The following FHIT variants were observed in gnomAD, a reference collection of about 807,000 sequenced individuals.
FHIT encodes fragile histidine triad diadenosine triphosphatase, also known as bis(5'-adenosyl)-triphosphatase.
FHIT carries 19 observed loss-of-function variants against 17.9 expected under a neutral mutation model. The ratio of observed to expected loss-of-function variants is 1.06; its 90% CI spans 0.74 to 1.56. The LOEUF (loss-of-function observed/expected upper bound fraction) is 1.56. Among genes scored for constraint, FHIT ranks in the 40% most tolerant of loss-of-function variants. The pLI, the probability that FHIT is intolerant of heterozygous loss-of-function variation, is 0.00. For synonymous variants in FHIT, 81 were observed against 69.7 expected, an observed-to-expected ratio of 1.16 and a Z score of -0.81; for missense variants, 248 against 189.2, an observed-to-expected ratio of 1.31 and a Z score of -1.82.
chr3:59,757,769 TAAAC>T (rs1300647731), intron 8 of FHIT, among the ~76,000 whole-genome samples: 1 of 152,218 alleles, frequency 6.6e-6, no homozygotes, highest in African/African-American at 2.4e-5. Context: ...AGAGCTTAAA[TAAAC>T]CATTTCTTAT....
intron 3 of FHIT, among the ~76,000 whole-genome samples, chr3:60,880,339 A>C (rs1235600878): frequency 2.0e-5 from 3 of 152,246 alleles, no homozygotes; most frequent in Non-Finnish European, 4.4e-5. Context: ...CAGGGAATTC[A>C]TCACCACTAG....
intron 5 of FHIT, among the ~76,000 whole-genome samples, chr3:60,051,898 C>T (rs895816114): frequency 1.3e-5 from 2 of 152,152 alleles, no homozygotes; most frequent in Non-Finnish European, 2.9e-5. Context: ...TACTGACCCA[C>T]TCTGTGAAAC....
At chr3:60,207,577 T>TC (rs1187677402) in intron 5 of FHIT, among the ~76,000 whole-genome samples, 1 of 151,700 alleles carries the variant, frequency 6.6e-6, no homozygotes, top group Admixed American at 6.6e-5. Flanking sequence ...CACCCCACAG[T>TC]CCCCCCGCCG....
At chr3:60,619,378 T>C (rs1160548579) in intron 4 of FHIT, among the ~76,000 whole-genome samples, 1 of 151,762 alleles carries the variant, frequency 6.6e-6, no homozygotes, top group Admixed American at 6.6e-5. Context: ...GATTCTAAAG[T>C]GTACATGGAA....
At chr3:60,572,298 C>T (rs1401501701) in intron 4 of FHIT, among the ~76,000 whole-genome samples, 2 of 150,950 alleles carry the variant, frequency 1.3e-5, no homozygotes, top group African/African-American at 4.9e-5. Flanking sequence ...ATAATTCCTT[C>T]TAAATATTTG....
intron 4 of FHIT, among the ~76,000 whole-genome samples, chr3:60,774,997 T>C (rs1700172666): frequency 6.6e-6 from 1 of 152,238 alleles, no homozygotes; most frequent in African/African-American, 2.4e-5. Flanking sequence ...GGGGAACTAC[T>C]GTATTACTAT....
At chr3:60,722,825 T>C (rs2041838343) in intron 4 of FHIT, among the ~76,000 whole-genome samples, 1 of 149,802 alleles carries the variant, frequency 6.7e-6, no homozygotes, top group Non-Finnish European at 1.5e-5. Flanking sequence ...AGGATTCAAA[T>C]GATTCTCCTG....
chr3:60,115,505 T>C (rs1041502356), intron 5 of FHIT, among the ~76,000 whole-genome samples: 1 of 152,192 alleles, frequency 6.6e-6, no homozygotes, highest in African/African-American at 2.4e-5. Context: ...TATTCAAGTC[T>C]TCAGAGGCCA....
chr3:60,263,002 A>T (rs73832563), intron 5 of FHIT, among the ~76,000 whole-genome samples: 2 of 152,032 alleles, frequency 1.3e-5, no homozygotes, highest in Non-Finnish European at 2.9e-5. Flanking sequence ...AGAATAAAAA[A>T]TAACTAATAT....
At chr3:60,817,509 T>A (rs536246173) in intron 4 of FHIT, among the ~76,000 whole-genome samples, 1 of 152,136 alleles carries the variant, frequency 6.6e-6, no homozygotes, top group East Asian at 1.9e-4. Flanking sequence ...AATTCTGGAT[T>A]AACAGTGTTT....
chr3:60,303,633 T>C (rs772518867), intron 5 of FHIT, among the ~76,000 whole-genome samples: 6 of 152,200 alleles, frequency 3.9e-5, no homozygotes, highest in Non-Finnish European at 7.3e-5. Context: ...TGATTTTCTA[T>C]GCTTCTCATC....
intron 7 of FHIT, among the ~76,000 whole-genome samples, chr3:59,924,695 A>G (rs80071299): frequency 0.034 from 5,109 of 152,320 alleles, 112 homozygotes; most frequent in Admixed American, 0.043. Flanking sequence ...AAATAAAATA[A>G]AGATATTAAG....
chr3:60,979,214 A>G (rs1318250813), intron 3 of FHIT, among the ~76,000 whole-genome samples: 1 of 152,100 alleles, frequency 6.6e-6, no homozygotes, highest in Non-Finnish European at 1.5e-5. Context: ...CTCTCCTCCA[A>G]TCTGAAATTG....
At chr3:60,415,162 T>C (rs987234991) in intron 5 of FHIT, among the ~76,000 whole-genome samples, 3 of 152,184 alleles carry the variant, frequency 2.0e-5, no homozygotes, top group African/African-American at 7.2e-5. Flanking sequence ...AAAACCCAGA[T>C]GGATAATCTC....
chr3:60,243,280 T>C (rs997742696), intron 5 of FHIT, among the ~76,000 whole-genome samples: 1 of 152,058 alleles, frequency 6.6e-6, no homozygotes, highest in African/African-American at 2.4e-5. Flanking sequence ...TTGTCATTAA[T>C]TCAACAACTG....
At chr3:60,603,946 C>A (rs1576955644) in intron 4 of FHIT, among the ~76,000 whole-genome samples, 1 of 152,092 alleles carries the variant, frequency 6.6e-6, no homozygotes, top group East Asian at 1.9e-4. Context: ...TTATTTAATT[C>A]TCACAGTAAC....
intron 3 of FHIT, among the ~76,000 whole-genome samples, chr3:60,893,797 CA>C (rs1228732062): frequency 6.6e-6 from 1 of 152,156 alleles, no homozygotes; most frequent in Admixed American, 6.5e-5. Context: ...AGGTACCTTC[CA>C]ACCAAATTAA....
chr3:61,191,336 G>A (rs1191999920), intron 2 of FHIT, among the ~76,000 whole-genome samples: 1 of 152,072 alleles, frequency 6.6e-6, no homozygotes, highest in African/African-American at 2.4e-5. Flanking sequence ...TGTGAGCTGG[G>A]ATACATGATC....
intron 5 of FHIT, among the ~76,000 whole-genome samples, chr3:60,519,898 G>A (rs1489409031): frequency 1.3e-5 from 2 of 152,082 alleles, no homozygotes; most frequent in Non-Finnish European, 2.9e-5. Flanking sequence ...ACAATTTACT[G>A]GAGTGACCAT....
Sources: allele counts gnomAD v4.1 joint callset (sites outside exome capture counted in the v4.1 genomes callset), GRCh38; gene constraint gnomAD v4.1.1; transcripts MANE v1.5; gene names NCBI Gene and HGNC (gene_info 2026-07-23, HGNC 2026-07-21).